The following CNTNAP2 variants were observed in gnomAD, a reference collection of about 807,000 sequenced individuals.
CNTNAP2 encodes the protein contactin associated protein 2.
CNTNAP2 carries 98 observed loss-of-function variants against 155.2 expected under a neutral mutation model. The observed-to-expected ratio is 0.63, with a 90% CI of 0.54 to 0.75. The LOEUF is 0.75. Ranked by LOEUF, CNTNAP2 falls within the 30% of genes least tolerant of loss-of-function variation. The pLI, the probability that CNTNAP2 is intolerant of heterozygous loss-of-function variation, is 0.00. For missense variants in CNTNAP2, 1,727 were observed against 1,688.1 expected, an observed-to-expected ratio of 1.02 and a Z score of -0.40; for synonymous variants, 651 against 631.2, an observed-to-expected ratio of 1.03 and a Z score of -0.47.
intron 1 of CNTNAP2, among the ~76,000 whole-genome samples, chr7:146,189,518 C>T (rs1352641701): frequency 1.3e-5 from 2 of 152,126 alleles, no homozygotes; most frequent in Non-Finnish European, 2.9e-5. Flanking sequence ...TAGTTTAAGA[C>T]TAATGGGGCA....
At position 147,788,900 on chromosome 7, in the gene CNTNAP2, C is replaced by CTTTTTTTTTTTTTTTTTT. The variant is rs11440955; in HGVS notation, c.2099-114660_2099-114643dup. On this transcript the variant is annotated intron_variant, in intron 13 of 23. Coordinates refer to ENST00000361727, the MANE Select transcript of CNTNAP2 (RefSeq NM_014141.6). ...TAGGATATACTTTTTTTTTCTTTTT[C>CTTTTTTTTTTTTTTTTTT]TTTTTTTTTTTTTTTTTTTTTTGAG... Among the ~76,000 whole-genome samples, 44 of 100,748 alleles carry CTTTTTTTTTTTTTTTTTT rather than the reference C, an allele frequency of 4.4e-4. 1 individual carries two copies. Among genetic ancestry groups the CTTTTTTTTTTTTTTTTTT allele is most frequent in the African/African-American group, 5.2e-4 (12 of 22,874 alleles). The allele number at this position is 100,748 out of a possible 152,430, so 66.1% of individuals were successfully genotyped here. A position where few individuals can be genotyped will look rare whatever the true frequency, so the allele number is the denominator to read the frequency against.
In CNTNAP2 at chr7:147,954,599, T is replaced by C. The variant is rs183307039; in HGVS notation, c.2256-23263T>C. On this transcript the variant is annotated intron_variant, in intron 14 of 23. Transcript: ENST00000361727. ...TATATTAAGCAATTATGTTTATTTC[T>C]AGCACTGAAAAGCATAGTTATTTTC... Among the ~76,000 whole-genome samples the C allele has an allele frequency of 2.2e-4, 34 of 152,332 alleles. No homozygotes were observed. In the East Asian group the frequency reaches 6.4e-3, roughly 29 times the overall value.
chr7:146,472,328 T>G (rs1796811742), intron 1 of CNTNAP2, among the ~76,000 whole-genome samples: 1 of 152,232 alleles, frequency 6.6e-6, no homozygotes, highest in East Asian at 1.9e-4. Flanking sequence ...ATAATTGCAC[T>G]TATTATGTTC....
chr7:147,060,724 C>T (rs1484861232), intron 4 of CNTNAP2, among the ~76,000 whole-genome samples: 3 of 152,114 alleles, frequency 2.0e-5, no homozygotes. Context: ...ATTAGCCAGG[C>T]GTGGTGGCGG....
chr7:148,108,006 C>T (rs1248178933), intron 15 of CNTNAP2, among the ~76,000 whole-genome samples: 2 of 152,216 alleles, frequency 1.3e-5, no homozygotes, highest in Non-Finnish European at 1.5e-5. Context: ...GCCCAGAGTG[C>T]CTTCACGCAG....
chr7:147,514,421 T>A (rs1030091452), intron 11 of CNTNAP2, among the ~76,000 whole-genome samples: 18 of 152,056 alleles, frequency 1.2e-4, no homozygotes, highest in Non-Finnish European at 2.5e-4. Flanking sequence ...TATTTAAATA[T>A]TACCATCTAC....
At chr7:146,841,439 G>A (rs1273991607) in intron 3 of CNTNAP2, among the ~76,000 whole-genome samples, 1 of 152,096 alleles carries the variant, frequency 6.6e-6, no homozygotes, top group Non-Finnish European at 1.5e-5. Flanking sequence ...ACAACTGAGA[G>A]TAAACAGTGA....
intron 1 of CNTNAP2, among the ~76,000 whole-genome samples, chr7:146,739,788 A>T (rs949737378): frequency 1.3e-5 from 2 of 152,030 alleles, no homozygotes; most frequent in Admixed American, 1.3e-4. Context: ...CTTTTTAAGT[A>T]TATTAATACT....
chr7:148,193,596 G>T (rs1201310797), intron 18 of CNTNAP2, among the ~76,000 whole-genome samples: 1 of 152,014 alleles, frequency 6.6e-6, no homozygotes, highest in African/African-American at 2.4e-5. Flanking sequence ...CCTGTAATTG[G>T]TGGTGGCAGA....
chr7:146,918,691 T>C (rs578233534), intron 3 of CNTNAP2, among the ~76,000 whole-genome samples: 2 of 152,326 alleles, frequency 1.3e-5, no homozygotes, highest in East Asian at 3.9e-4. Context: ...ATTTCGCAGG[T>C]GTTTTTTGAG....
At chr7:146,514,037 T>G (rs1797506586) in intron 1 of CNTNAP2, among the ~76,000 whole-genome samples, 1 of 152,024 alleles carries the variant, frequency 6.6e-6, no homozygotes, top group African/African-American at 2.4e-5. Context: ...TATATATCAT[T>G]CCATTCCACC....
At chr7:147,743,510 G>T (rs548743230) in intron 13 of CNTNAP2, among the ~76,000 whole-genome samples, 107 of 152,174 alleles carry the variant, frequency 7.0e-4, no homozygotes, top group African/African-American at 2.5e-3. Context: ...TGCTATCACT[G>T]TTCTCCCCTG....
chr7:147,653,450 C>A (rs556411787), intron 13 of CNTNAP2, among the ~76,000 whole-genome samples: 14 of 152,286 alleles, frequency 9.2e-5, no homozygotes, highest in Middle Eastern at 3.4e-3. Flanking sequence ...CAGCAGGACA[C>A]TGATACAGAC....
At chr7:147,870,510 G>A (rs927501816) in intron 13 of CNTNAP2, among the ~76,000 whole-genome samples, 1 of 152,134 alleles carries the variant, frequency 6.6e-6, no homozygotes, top group African/African-American at 2.4e-5. Flanking sequence ...TCACACTCCT[G>A]CACCAGGAAG....
At chr7:147,057,608 T>C (rs1799586133) in intron 4 of CNTNAP2, among the ~76,000 whole-genome samples, 1 of 152,162 alleles carries the variant, frequency 6.6e-6, no homozygotes, top group Non-Finnish European at 1.5e-5. Flanking sequence ...ACCCATTCAA[T>C]ACTAGAAGTG....
At chr7:146,442,871 A>G (rs1359178972) in intron 1 of CNTNAP2, among the ~76,000 whole-genome samples, 1 of 152,088 alleles carries the variant, frequency 6.6e-6, no homozygotes, top group Non-Finnish European at 1.5e-5. Context: ...AGATTCGTTC[A>G]TACTCCATGG....
chr7:146,170,979 A>T (rs1438410286), intron 1 of CNTNAP2, among the ~76,000 whole-genome samples: 1 of 152,162 alleles, frequency 6.6e-6, no homozygotes, highest in Non-Finnish European at 1.5e-5. Context: ...GTGAGCCGAG[A>T]TTGCGCCATT....
At chr7:147,979,333 A>T (rs1018795571) in intron 15 of CNTNAP2, among the ~76,000 whole-genome samples, 9 of 152,228 alleles carry the variant, frequency 5.9e-5, no homozygotes, top group African/African-American at 1.9e-4. Context: ...TAAGAAAAGG[A>T]TATTCACCTA....
At chr7:148,364,086 C>T (rs373929364) in intron 21 of CNTNAP2, among the ~76,000 whole-genome samples, 6 of 152,344 alleles carry the variant, frequency 3.9e-5, no homozygotes, top group South Asian at 2.1e-4. Flanking sequence ...ATGCCTGAGC[C>T]TCCCACCCAC....
Sources: allele counts gnomAD v4.1 joint callset (sites outside exome capture counted in the v4.1 genomes callset), GRCh38; gene constraint gnomAD v4.1.1; transcripts MANE v1.5; gene names NCBI Gene and HGNC (gene_info 2026-07-23, HGNC 2026-07-21).